LRRTM4: variants seen among roughly 807,000 people sequenced by gnomAD.
LRRTM4 encodes leucine-rich repeat transmembrane neuronal protein 4.
In LRRTM4, 25 loss-of-function variants were observed where a neutral mutation model predicts 47.6. The observed-to-expected ratio is 0.53, with a 90% CI of 0.38 to 0.73. The LOEUF (loss-of-function observed/expected upper bound fraction) is 0.73. Among genes scored for constraint, LRRTM4 ranks in the 30% least tolerant of loss-of-function variants. The pLI is 0.00. For synonymous variants in LRRTM4, 311 were observed against 269.5 expected (o/e 1.15, Z -1.51); for missense variants, 638 against 713.4 (o/e 0.89, Z 1.20).
At chr2:76,894,222 T>C (rs1365121076) in intron 3 of LRRTM4, among the ~76,000 whole-genome samples, 1 of 151,976 alleles carries the variant, frequency 6.6e-6, no homozygotes, top group East Asian at 1.9e-4. Context: ...CAGTTGGCAG[T>C]CCATTACTTA....
At chr2:77,277,469 A>G (rs1445592130) in intron 3 of LRRTM4, among the ~76,000 whole-genome samples, 1 of 152,052 alleles carries the variant, frequency 6.6e-6, no homozygotes, top group Non-Finnish European at 1.5e-5. Flanking sequence ...TTATTAAAAA[A>G]TATTTTCAAA....
chr2:77,366,237 T>C (rs961774774), intron 3 of LRRTM4, among the ~76,000 whole-genome samples: 2 of 151,880 alleles, frequency 1.3e-5, no homozygotes, highest in African/African-American at 4.8e-5. Context: ...ACAGATCTAA[T>C]GGTCATTTGA....
At chr2:77,486,022 TCTCA>T (rs933371285) in intron 3 of LRRTM4, among the ~76,000 whole-genome samples, 1 of 152,052 alleles carries the variant, frequency 6.6e-6, no homozygotes, top group African/African-American at 2.4e-5. Flanking sequence ...TACAGGTGTG[TCTCA>T]CTATGCCCAG....
At chr2:77,037,596 TCTCATGCA>T (rs1678879854) in intron 3 of LRRTM4, among the ~76,000 whole-genome samples, 2 of 151,654 alleles carry the variant, frequency 1.3e-5, no homozygotes, top group Non-Finnish European at 3.0e-5. Flanking sequence ...ACACATTGTG[TCTCATGCA>T]AATAGGATGC....
intron 3 of LRRTM4, among the ~76,000 whole-genome samples, chr2:76,931,743 A>G (rs533169792): frequency 6.6e-6 from 1 of 152,078 alleles, no homozygotes; most frequent in South Asian, 2.1e-4. Flanking sequence ...GTTCCAACGT[A>G]CTTTTTTCTG....
At chr2:77,418,257 A>C (rs1201388294) in intron 3 of LRRTM4, among the ~76,000 whole-genome samples, 1 of 152,214 alleles carries the variant, frequency 6.6e-6, no homozygotes, top group African/African-American at 2.4e-5. Context: ...GCAGTGTTAC[A>C]CATAGTATTC....
At chr2:76,775,417 G>A (rs1001614149) in intron 3 of LRRTM4, among the ~76,000 whole-genome samples, 10 of 152,248 alleles carry the variant, frequency 6.6e-5, no homozygotes, top group African/African-American at 1.9e-4. Flanking sequence ...TGCCTTTGGT[G>A]CTGAACTCAT....
chr2:76,808,059 C>T (rs1326022343), intron 3 of LRRTM4, among the ~76,000 whole-genome samples: 1 of 150,716 alleles, frequency 6.6e-6, no homozygotes, highest in African/African-American at 2.4e-5. Flanking sequence ...GCTCTTGTTG[C>T]CCAGGCTGGA....
intron 3 of LRRTM4, among the ~76,000 whole-genome samples, chr2:77,266,888 C>T (rs899665935): frequency 4.6e-5 from 7 of 151,892 alleles, no homozygotes; most frequent in Admixed American, 1.3e-4. Flanking sequence ...CTCCTGAAAG[C>T]GAGTTGGAGA....
rs563851064 is a variant in LRRTM4 at position 77,258,123 on chromosome 2, A to G, written c.1551+260195T>C. ...AAAATAAAAAGAAAAGAAAAAAAGA[A>G]AAAAAAAAAGACTACGAAGAAACAC... On this transcript the variant is annotated intron_variant, in intron 3 of 3. Coordinates refer to ENST00000409884, the MANE Select transcript of LRRTM4 (RefSeq NM_001134745.3). Among the ~76,000 whole-genome samples the G allele has an allele frequency of 4.0e-3, 478 of 120,464 alleles. 5 individuals are homozygous for G. The highest frequency in any genetic ancestry group is 0.032 in the African/African-American group (452 of 14,096). 79.0% of individuals were successfully genotyped at this position (120,464 alleles called of 152,430 possible).
chr2:77,026,116 A>C (rs941792393), intron 3 of LRRTM4, among the ~76,000 whole-genome samples: 2 of 152,190 alleles, frequency 1.3e-5, no homozygotes, highest in African/African-American at 4.8e-5. Flanking sequence ...TTTACTAGGG[A>C]CTAAATGAAA....
intron 3 of LRRTM4, among the ~76,000 whole-genome samples, chr2:76,890,572 T>C (rs1263610856): frequency 6.6e-6 from 1 of 151,906 alleles, no homozygotes; most frequent in Non-Finnish European, 1.5e-5. Context: ...CTTAACAAAA[T>C]AAACATCAGA....
At chr2:77,230,927 T>C (rs927819017) in intron 3 of LRRTM4, among the ~76,000 whole-genome samples, 1 of 152,160 alleles carries the variant, frequency 6.6e-6, no homozygotes, top group African/African-American at 2.4e-5. Flanking sequence ...TCATTGTTCT[T>C]CAAAAGATTT....
At chr2:77,462,764 G>T (rs754479171) in intron 3 of LRRTM4, among the ~76,000 whole-genome samples, 5 of 152,024 alleles carry the variant, frequency 3.3e-5, no homozygotes, top group Non-Finnish European at 7.4e-5. Flanking sequence ...TTAGCAATCA[G>T]CATAAGGAAA....
chr2:76,901,829 T>A (rs1172548554), intron 3 of LRRTM4, among the ~76,000 whole-genome samples: 2 of 152,138 alleles, frequency 1.3e-5, no homozygotes, highest in Non-Finnish European at 2.9e-5. Flanking sequence ...CTGACAGAAC[T>A]GGGCACCATT....
At chr2:77,403,885 T>TATATATATATATA (rs893824593) in intron 3 of LRRTM4, among the ~76,000 whole-genome samples, 93 of 150,394 alleles carry the variant, frequency 6.2e-4, no homozygotes, top group Middle Eastern at 3.4e-3. Context: ...TATATATATA[T>TATATATATATATA]TTTAGGAAAG....
At chr2:77,157,156 T>C (rs1396909961) in intron 3 of LRRTM4, among the ~76,000 whole-genome samples, 2 of 152,152 alleles carry the variant, frequency 1.3e-5, no homozygotes, top group Non-Finnish European at 2.9e-5. Flanking sequence ...ATCACATTAA[T>C]GCATTAAAAG....
intron 3 of LRRTM4, among the ~76,000 whole-genome samples, chr2:76,842,123 G>A (rs1339923957): frequency 7.2e-5 from 11 of 152,174 alleles, no homozygotes; most frequent in Admixed American, 3.3e-4. Flanking sequence ...CATTATGGGT[G>A]GGCAACATCA....
At chr2:77,108,261 AAAAG>A (rs1274243445) in intron 3 of LRRTM4, among the ~76,000 whole-genome samples, 1 of 152,144 alleles carries the variant, frequency 6.6e-6, no homozygotes, top group Non-Finnish European at 1.5e-5. Context: ...GTAGTAAACA[AAAAG>A]AAAGAGAAAG....
Sources: allele counts gnomAD v4.1 joint callset (sites outside exome capture counted in the v4.1 genomes callset), GRCh38; gene constraint gnomAD v4.1.1; transcripts MANE v1.5; gene names NCBI Gene and HGNC (gene_info 2026-07-23, HGNC 2026-07-21).